TOGARAM1: variants seen among roughly 807,000 people sequenced by gnomAD.
The protein encoded by TOGARAM1 is TOG array regulator of axonemal microtubules 1.
A neutral mutation model predicts 166.6 loss-of-function variants in TOGARAM1; 100 were observed. The observed-to-expected ratio is 0.60, with a 90% confidence interval of 0.51 to 0.71. The LOEUF (loss-of-function observed/expected upper bound fraction) is 0.71, where lower values mean the gene tolerates loss of function less well. Ranked by LOEUF, TOGARAM1 falls within the 30% of genes least tolerant of loss-of-function variation. The pLI, the probability that TOGARAM1 is intolerant of heterozygous loss-of-function variation, is 0.00. For synonymous variants in TOGARAM1, 758 were observed against 763.8 expected, an observed-to-expected ratio of 0.99 and a Z score of 0.13; for missense variants, 2,029 against 2,102.7, an observed-to-expected ratio of 0.96 and a Z score of 0.69.
At chr14:45,007,756 A>T (rs1879544276) in intron 5 of TOGARAM1, 1 of 152,168 alleles carries the variant, frequency 6.6e-6, no homozygotes, top group Non-Finnish European at 1.5e-5. Flanking sequence ...TCATGTGCTT[A>T]ATGTGCTTAA....
In TOGARAM1 at chr14:44,963,769, G is replaced by T. The variant is rs542685317; in HGVS notation, c.1348G>T (p.Val450Leu). 1 of 1,613,924 alleles carries T rather than the reference G, an allele frequency of 6.2e-7. No homozygotes were observed. The highest frequency in any genetic ancestry group is 1.7e-5 in the Admixed American group (1 of 60,010). The change falls in exon 1 of 20, where the codon GTG becomes TTG. Residue 450 changes from valine to leucine, a missense_variant. Physicochemically the swap from Val to Leu is conservative, Grantham distance 32. Coordinates refer to ENST00000361462, the MANE Select transcript of TOGARAM1 (RefSeq NM_001308120.2). ...SVKVLADNKLVIKQEYMKIFL... is the reference protein window; with the variant it reads ...SVKVLADNKLLIKQEYMKIFL... ...CAAAGTGCTGGCGGACAACAAGTTG[G>T]TGATCAAACAAGAATACATGAAAAT...
At chr14:44,968,013 C>T (rs1327899730) in intron 1 of TOGARAM1, among the ~76,000 whole-genome samples, 1 of 151,824 alleles carries the variant, frequency 6.6e-6, no homozygotes, top group Admixed American at 6.6e-5. Context: ...ATTCTGGTGC[C>T]GGCCAAAGCA....
rs1451030761 is a variant in TOGARAM1 at position 45,045,575 on chromosome 14, ATATATATATGTGTGTGTGTG to A, written c.4154+707_4154+726del. ...TATATATATATATATATATATATAT[ATATATATATGTGTGTGTGTG>A]TGTGTGTGTGTGTGTGTGTGTGTAT... On this transcript the variant is annotated intron_variant, in intron 13 of 19. Transcript: ENST00000361462. 3.5e-3 allele frequency among the ~76,000 whole-genome samples: 144 copies of A among 41,516 alleles called. 6 individuals are homozygous for A. The highest frequency in any genetic ancestry group is 0.016 in the African/African-American group (125 of 7,796). The allele number at this position is 41,516 out of a possible 152,430, so 27.2% of individuals were successfully genotyped here.
At position 44,999,430 on chromosome 14, in the gene TOGARAM1, T is replaced by C; in HGVS notation, c.2271T>C (p.Cys757=). ...CACAACTTGGATTTTCACAAATATG[T>C]GGTAAAACTGGCAGTGTGGGTTCTG... ...KCAQLGFSQI[C]GKTGSVGSDL... The change falls in exon 3 of 20, where the codon TGT becomes TGC. Residue 757 remains cysteine, a synonymous_variant. Coordinates refer to ENST00000361462, the MANE Select transcript of TOGARAM1 (RefSeq NM_001308120.2). The C allele has an allele frequency of 6.2e-7, 1 of 1,611,938 alleles. No individual in the cohort carries two copies. The highest frequency in any genetic ancestry group is 8.5e-7 in the Non-Finnish European group (1 of 1,178,690).
intron 11 of TOGARAM1, 49 bp from the exon 12 acceptor site, chr14:45,043,637 C>A: frequency 1.0e-6 from 1 of 980,924 alleles, no homozygotes; most frequent in South Asian, 1.3e-5. Flanking sequence ...GATCCTGTTC[C>A]AGTTGAGTCC....
chr14:44,972,716 T>C (rs1885951974), intron 1 of TOGARAM1, among the ~76,000 whole-genome samples: 1 of 152,156 alleles, frequency 6.6e-6, no homozygotes. Context: ...GTTAGCATGG[T>C]GTACCTTTCT....
intron 1 of TOGARAM1, among the ~76,000 whole-genome samples, chr14:44,994,249 G>C (rs1422990039): frequency 6.6e-6 from 1 of 152,110 alleles, no homozygotes; most frequent in African/African-American, 2.4e-5. Context: ...CTCCCGAGTA[G>C]CTAGGACTAC....
Position 45,044,732 on chromosome 14 carries a change from C to A in TOGARAM1, c.4016C>A (p.Thr1339Asn), listed in dbSNP as rs1881897637. Reference sequence around the variant, plus strand: ...AAGAGCATGGATCAAGAGCTAGATACCACAGTAAAAGTTTTGTTGCACAAG... The same window carrying A: ...AAGAGCATGGATCAAGAGCTAGATAACACAGTAAAAGTTTTGTTGCACAAG... ...LKKSMDQELD[T>N]TVKVLLHKAG... is the part of the protein sequence containing the mutation. The change falls in exon 13 of 20, where the codon ACC becomes AAC. Residue 1339 changes from threonine (T) to asparagine (N), a missense_variant. Physicochemically the swap from Thr to Asn is moderately conservative, Grantham distance 65. Transcript: ENST00000361462. The A allele has an allele frequency of 6.2e-7, 1 of 1,613,724 alleles. No homozygotes were observed. The highest frequency in any genetic ancestry group is 1.7e-5 in the Admixed American group (1 of 59,962).
chr14:44,970,679 T>C (rs540865331), intron 1 of TOGARAM1, among the ~76,000 whole-genome samples: 1 of 152,304 alleles, frequency 6.6e-6, no homozygotes, highest in African/African-American at 2.4e-5. Flanking sequence ...TGCTTTCTTG[T>C]AGTGTTCGCT....
chr14:45,063,947 C>A (rs539121526), intron 16 of TOGARAM1, among the ~76,000 whole-genome samples: 2 of 152,290 alleles, frequency 1.3e-5, no homozygotes, highest in East Asian at 1.9e-4. Flanking sequence ...GATATCTGAT[C>A]AAGTTCCTCA....
rs977343574 is a variant in TOGARAM1, at chr14:45,040,993, C to T, written c.3813-2693C>T. ...GCAGAAGGTTGCAGTGAGATGAGAT[C>T]GCACCACTGCACTCCAGCCTGGGCA... On this transcript the variant is annotated intron_variant, in intron 11 of 19. Transcript: ENST00000361462. Among the ~76,000 whole-genome samples, 9 of 152,232 alleles carry T rather than the reference C, an allele frequency of 5.9e-5. No homozygotes were observed. In the South Asian group the frequency reaches 8.3e-4, roughly 14 times the overall value.
At chr14:45,052,340 AG>A in intron 14 of TOGARAM1, 95 bp from the exon 15 acceptor site, 1 of 916,450 alleles carries the variant, frequency 1.1e-6, no homozygotes, top group Non-Finnish European at 1.6e-6. Flanking sequence ...GATGTTTGAT[AG>A]GTGTTTTTTT....
In TOGARAM1 at chr14:45,009,018, G is replaced by C. The variant is rs766118507; in HGVS notation, c.3010G>C (p.Asp1004His). The C allele has an allele frequency of 6.2e-7, 1 of 1,613,900 alleles. No homozygotes were observed. Among genetic ancestry groups the C allele is most frequent in the Non-Finnish European group, 8.5e-7 (1 of 1,179,982 alleles). ...LESPDSAMKL[D>H]LTMDSPSLSS... ...AAGCCCTGATTCTGCAATGAAGCTCGACTTGACGATGGACTCCCCGTCTCT... is the reference window on the plus strand; with the variant it reads ...AAGCCCTGATTCTGCAATGAAGCTCCACTTGACGATGGACTCCCCGTCTCT... Residue 1004 changes from aspartate to histidine, a missense_variant, in exon 6 of 20, where the codon GAC (aspartate) becomes CAC (histidine). By Grantham distance (81) the Asp-to-His change is moderately conservative. Transcript: ENST00000361462.
At chr14:44,977,201 C>G (rs1383330664) in intron 1 of TOGARAM1, among the ~76,000 whole-genome samples, 1 of 148,234 alleles carries the variant, frequency 6.7e-6, no homozygotes, top group East Asian at 2.0e-4. Context: ...CTTCTGAAGC[C>G]TTAGCATAAA....
At chr14:45,050,377 C>T (rs1468171439) in intron 14 of TOGARAM1, among the ~76,000 whole-genome samples, 4 of 151,958 alleles carry the variant, frequency 2.6e-5, no homozygotes, top group Admixed American at 1.3e-4. Context: ...CTCAGCCTCC[C>T]GAGTAGCTGG....
intron 8 of TOGARAM1, among the ~76,000 whole-genome samples, chr14:45,027,006 A>AAAAC (rs10674415): frequency 0.036 from 5,394 of 151,848 alleles, 314 homozygotes; most frequent in African/African-American, 0.12. Flanking sequence ...AGACTATCTC[A>AAAAC]AAACAAACAA....
intron 14 of TOGARAM1, among the ~76,000 whole-genome samples, chr14:45,050,382 A>G (rs547901063): frequency 2.2e-4 from 34 of 151,876 alleles, no homozygotes; most frequent in Admixed American, 1.7e-3. Flanking sequence ...CCTCCCGAGT[A>G]GCTGGGACTA....
intron 7 of TOGARAM1, among the ~76,000 whole-genome samples, chr14:45,023,489 T>A (rs2138895616): frequency 6.6e-6 from 1 of 152,336 alleles, no homozygotes; most frequent in Non-Finnish European, 1.5e-5. Flanking sequence ...CCCTGTATTA[T>A]TTTAATGCTT....
chr14:45,073,589 CAA>C lies in TOGARAM1; in HGVS notation c.*31_*32del. ...CTTCGATAAAATACTGTATGATGAA[CAA>C]AAGTGTTTACATGATGACAAATGGA... is the stretch of plus-strand genomic sequence containing the variant. On this transcript the variant is annotated 3_prime_UTR_variant, in exon 20 of 20. Coordinates refer to ENST00000361462, the MANE Select transcript of TOGARAM1 (RefSeq NM_001308120.2). 2 of 1,588,616 alleles carry C rather than the reference CAA, an allele frequency of 1.3e-6. No individual in the cohort carries two copies. The highest frequency in any genetic ancestry group is 1.3e-5 in the African/African-American group (1 of 74,216).
Sources: allele counts gnomAD v4.1 joint callset (sites outside exome capture counted in the v4.1 genomes callset), GRCh38; gene constraint gnomAD v4.1.1; transcripts MANE v1.5; gene names NCBI Gene and HGNC (gene_info 2026-07-23, HGNC 2026-07-21).